Variants in GLOD4 observed in about 807,000 individuals in gnomAD.
GLOD4 encodes the protein glyoxalase domain-containing protein 4.
A neutral mutation model predicts 39.1 loss-of-function variants in GLOD4; 44 were observed. That is an observed-to-expected ratio of 1.13 (90% confidence interval 0.88 to 1.45). The LOEUF is 1.45. GLOD4 is among the 40% of genes most tolerant of loss of function. GLOD4 has a pLI of 0.00. For synonymous variants in GLOD4, 145 were observed against 135.0 expected, an observed-to-expected ratio of 1.07 and a Z score of -0.52; for missense variants, 405 against 366.4, an observed-to-expected ratio of 1.11 and a Z score of -0.86.
In GLOD4 at chr17:771,303, ATTC is replaced by A. The variant is rs1340778565; in HGVS notation, c.543+19_543+21del. 1 of 1,530,898 alleles carries A rather than the reference ATTC, an allele frequency of 6.5e-7. No individual in the cohort carries two copies. Among genetic ancestry groups the A allele is most frequent in the South Asian group, 1.2e-5 (1 of 83,222 alleles). The allele number at this position is 1,530,898 out of a possible 1,614,324, so 94.8% of individuals were successfully genotyped here. A position where few individuals can be genotyped will look rare whatever the true frequency, so the allele number is the denominator to read the frequency against. The stretch of plus-strand genomic sequence containing the variant: ...CAAGCCAAATTCAAAGTAACAGGTT[ATTC>A]TTCTCCAAGATTGCTCACCTGGTTA... On this transcript the variant is annotated intron_variant, in intron 5 of 8. Coordinates refer to ENST00000301329, the MANE Select transcript of GLOD4 (RefSeq NM_016080.4).
intron 8 of GLOD4, among the ~76,000 whole-genome samples, chr17:761,650 G>A (rs564988881): frequency 6.6e-5 from 10 of 152,226 alleles, no homozygotes; most frequent in African/African-American, 2.2e-4. Flanking sequence ...GATTACAGGC[G>A]TACACCACCG....
chr17:760,307 T>C (rs2144243630), intron 8 of GLOD4, 69 bp from the exon 9 acceptor site: 1 of 842,194 alleles, frequency 1.2e-6, no homozygotes, highest in Non-Finnish European at 2.1e-6. Flanking sequence ...CCACTTTATA[T>C]CTCACTGTAC....
At chr17:782,413 T>C (rs1910152165), upstream of GLOD4, 1 of 1,613,882 alleles carries the variant, frequency 6.2e-7, no homozygotes, top group East Asian at 2.2e-5. Flanking sequence ...AGGTTTGTCG[T>C]GCGACCGTTG....
Position 759,570 on chromosome 17 carries a change from GAGTC to G in GLOD4, c.*599_*602del, listed in dbSNP as rs1444282895. 6.6e-6 allele frequency: 1 copy of G among 152,154 alleles called. No homozygotes were observed. The highest frequency in any genetic ancestry group is 1.9e-4 in the East Asian group (1 of 5,190). 9.4% of individuals were successfully genotyped at this position (152,154 alleles called of 1,614,324 possible). On this transcript the variant is annotated 3_prime_UTR_variant, in exon 9 of 9. Transcript: ENST00000301329. ...ATATACACAGAAAGAAGCTCGCACA[GAGTC>G]AGGCGTGCAGCAACGTCACACACTC... is the stretch of plus-strand genomic sequence containing the variant.
At chr17:764,636 A>G (rs949976240) in intron 8 of GLOD4, 2 of 152,192 alleles carry the variant, frequency 1.3e-5, no homozygotes, top group Non-Finnish European at 2.9e-5. Flanking sequence ...GCAAATTGTT[A>G]TATTCATAAA....
rs187953865 is a variant in GLOD4 at position 764,260 on chromosome 17, C to T, written c.832-4022G>A. 9.8e-4 allele frequency: 150 copies of T among 152,312 alleles called. 1 individual carries two copies. Among genetic ancestry groups the T allele is most frequent in the African/African-American group, 3.5e-3 (147 of 41,574 alleles). The allele number at this position is 152,312 out of a possible 1,614,324, so 9.4% of individuals were successfully genotyped here. On this transcript the variant is annotated intron_variant, in intron 8 of 8. Transcript: ENST00000301329. ...CTGTCTCTACAAACATAAAAAACAT[C>T]AGCTGGGCATAGTGCTGCAGCCCTA...
chr17:775,966 T>C (rs1288155301), intron 3 of GLOD4, 47 bp from the exon 4 acceptor site: 3 of 1,555,608 alleles, frequency 1.9e-6, no homozygotes, highest in African/African-American at 2.7e-5. Flanking sequence ...CAACAGATAT[T>C]TTACAGAACA....
At chr17:777,981 G>A (rs1909240663) in intron 2 of GLOD4, among the ~76,000 whole-genome samples, 1 of 152,096 alleles carries the variant, frequency 6.6e-6, no homozygotes, top group Non-Finnish European at 1.5e-5. Flanking sequence ...GCTCTATTAG[G>A]CTTGAACAAT....
intron 4 of GLOD4, among the ~76,000 whole-genome samples, chr17:775,178 G>A (rs1010646461): frequency 6.6e-6 from 1 of 151,874 alleles, no homozygotes; most frequent in Non-Finnish European, 1.5e-5. Flanking sequence ...GGCTGAGGAA[G>A]GAGAATTGCT....
Position 779,319 on chromosome 17 carries a change from T to TAA in GLOD4, c.91-577_91-576dup, listed in dbSNP as rs34487169. Among the ~76,000 whole-genome samples, 26 of 43,370 alleles carry TAA rather than the reference T, an allele frequency of 6.0e-4. 1 individual carries two copies. The highest frequency in any genetic ancestry group is 8.5e-4 in the Admixed American group (2 of 2,346). The allele number at this position is 43,370 out of a possible 152,430, so 28.5% of individuals were successfully genotyped here. ...ACAAGAGCAAAATTCCATCTCAAAT[T>TAA]AAAAAAAAAAAAAAAAAAAAAAAAA... On this transcript the variant is annotated intron_variant, in intron 1 of 8. Coordinates refer to ENST00000301329, the MANE Select transcript of GLOD4 (RefSeq NM_016080.4).
upstream of GLOD4, among the ~76,000 whole-genome samples, chr17:784,990 A>C (rs144411072): frequency 1.3e-3 from 196 of 152,310 alleles, no homozygotes; most frequent in African/African-American, 4.6e-3. Context: ...GTTTCAGTAC[A>C]AGTACTATTT....
At chr17:777,210 T>C (rs1909111838) in intron 2 of GLOD4, 2 of 565,086 alleles carry the variant, frequency 3.5e-6, no homozygotes, top group Non-Finnish European at 6.3e-6. Flanking sequence ...GAAGGAAAGA[T>C]TTGTTCACCT....
chr17:782,769 T>C (rs1910209499), upstream of GLOD4: 2 of 1,430,624 alleles, frequency 1.4e-6, no homozygotes, highest in African/African-American at 1.4e-5. Flanking sequence ...CTCCTTCCGA[T>C]GGAGGACTTC....
At chr17:773,667 T>C (rs1394016122) in intron 4 of GLOD4, among the ~76,000 whole-genome samples, 9 of 152,256 alleles carry the variant, frequency 5.9e-5, no homozygotes, top group Non-Finnish European at 1.3e-4. Context: ...TCCATCTGAC[T>C]ACGATAAATT....
chr17:782,364 C>G (rs777349988), upstream of GLOD4: 31 of 1,613,162 alleles, frequency 1.9e-5, no homozygotes, highest in Non-Finnish European at 2.5e-5. Context: ...TGACGCAGCC[C>G]GGGTCTCAGG....
chr17:782,636 C>G, upstream of GLOD4: 1 of 1,613,714 alleles, frequency 6.2e-7, no homozygotes, highest in South Asian at 1.1e-5. Context: ...CTCCCAGCAC[C>G]TGGGAAGAGT....
At position 766,067 on chromosome 17, in the gene GLOD4, T is replaced by C. The variant is rs138763815; in HGVS notation, c.831+3802A>G. 2.9e-3 allele frequency among the ~76,000 whole-genome samples: 419 copies of C among 146,108 alleles called. 3 individuals carry two copies. Among genetic ancestry groups the C allele is most frequent in the African/African-American group, 0.01 (395 of 39,186 alleles). ...ATCCCAGCACTTTGGGAGGCCAAGA[T>C]GGATCGAATGATTGAGCCCAGGAAG... On this transcript the variant is annotated intron_variant, in intron 8 of 8. Coordinates refer to ENST00000301329, the MANE Select transcript of GLOD4 (RefSeq NM_016080.4).
At chr17:783,195 A>G (rs1910283311), upstream of GLOD4, 1 of 1,614,134 alleles carries the variant, frequency 6.2e-7, no homozygotes, top group South Asian at 1.1e-5. Flanking sequence ...TGTGCCAAAA[A>G]TGTTCTTCTT....
chr17:771,187 T>G, intron 5 of GLOD4, 138 bp downstream of exon 5: 2 of 597,382 alleles, frequency 3.3e-6, no homozygotes, highest in Non-Finnish European at 6.0e-6. Context: ...TTTATCTATA[T>G]AAATATTGAA....
Sources: gnomAD v4.1 joint callset for allele counts (sites outside exome capture counted in the v4.1 genomes callset) on GRCh38, gnomAD v4.1.1 for gene constraint, MANE v1.5 for transcripts, NCBI Gene and HGNC (gene_info 2026-07-23, HGNC 2026-07-21) for gene names.